USP54: variants seen among roughly 807,000 people sequenced by gnomAD.
The protein encoded by USP54 is ubiquitin specific peptidase 54.
A neutral mutation model predicts 170.5 loss-of-function variants in USP54; 87 were observed. That is an observed-to-expected ratio of 0.51 (90% CI 0.43 to 0.61). USP54 has a LOEUF of 0.61. Among genes scored for constraint, USP54 ranks in the 20% least tolerant of loss-of-function variants. The pLI is 0.00. For missense variants in USP54, 1,786 were observed against 2,047.8 expected (o/e 0.87, Z 2.47); for synonymous variants, 655 against 742.8 (o/e 0.88, Z 1.92).
chr10:73,578,067 A>G (rs984973292), intron 1 of USP54, among the ~76,000 whole-genome samples: 15 of 152,188 alleles, frequency 9.9e-5, no homozygotes, highest in Non-Finnish European at 1.6e-4. Flanking sequence ...GCCCTATGAC[A>G]CACACTCCTG....
chr10:73,519,498 C>T lies in USP54; in HGVS notation c.2678+299G>A, dbSNP rs1475484236. ...TAGCCTGGATTGCCATGTCTAAGAACATAATATATACAAATATAATAATCG... is the reference window on the plus strand; with the variant it reads ...TAGCCTGGATTGCCATGTCTAAGAATATAATATATACAAATATAATAATCG... On this transcript the variant is annotated intron_variant, in intron 19 of 23. Coordinates refer to ENST00000687698, the MANE Select transcript of USP54 (RefSeq NM_001391956.1). 3.0e-5 allele frequency: 11 copies of T among 364,766 alleles called. No homozygotes were observed. The Admixed American group carries it at 4.2e-4, about 14-fold the overall frequency. The allele number at this position is 364,766 out of a possible 1,614,324, so 22.6% of individuals were successfully genotyped here.
At chr10:73,526,349 G>A (rs1206515122) in intron 16 of USP54, among the ~76,000 whole-genome samples, 1 of 152,094 alleles carries the variant, frequency 6.6e-6, no homozygotes. Flanking sequence ...CCAGGTTCAA[G>A]CAATTCTCCT....
At chr10:73,597,003 T>A (rs149213219) in intron 1 of USP54, among the ~76,000 whole-genome samples, 1 of 152,306 alleles carries the variant, frequency 6.6e-6, no homozygotes, top group Admixed American at 6.5e-5. Context: ...AGTTTTACTG[T>A]CACACCTCAA....
intron 16 of USP54, among the ~76,000 whole-genome samples, chr10:73,526,405 G>A (rs1448601007): frequency 1.3e-5 from 2 of 152,100 alleles, no homozygotes; most frequent in African/African-American, 4.8e-5. Context: ...ACGCCGCTAC[G>A]CTGGTTAATT....
intron 12 of USP54, among the ~76,000 whole-genome samples, chr10:73,533,224 T>C (rs867069620): frequency 6.6e-6 from 1 of 151,816 alleles, no homozygotes; most frequent in Non-Finnish European, 1.5e-5. Context: ...GAGAATGGCA[T>C]GAACCTGGGA....
At chr10:73,505,764 G>C (rs1423632444) in intron 20 of USP54, 1 of 174,258 alleles carries the variant, frequency 5.7e-6, no homozygotes. Flanking sequence ...CAGCTACTCG[G>C]GAGGCTGAGG....
Position 73,516,467 on chromosome 10 carries a change from T to TC in USP54, c.3958dup (p.Glu1320GlyfsTer29), listed in dbSNP as rs1222658641. 6 of 1,613,980 alleles carry TC rather than the reference T, an allele frequency of 3.7e-6. No homozygotes were observed. Among genetic ancestry groups the TC allele is most frequent in the Non-Finnish European group, 5.1e-6 (6 of 1,180,022 alleles). ...CTGAAGACTGGCCTGATACAGAGAC[T>TC]CCAATTCTGAGGTCTCCTGCTCTGT... is the stretch of plus-strand genomic sequence containing the variant. On this transcript the variant is annotated frameshift_variant, in exon 20 of 24. Coordinates refer to ENST00000687698, the MANE Select transcript of USP54 (RefSeq NM_001391956.1). LOFTEE classifies it high-confidence loss of function.
At chr10:73,566,948 C>G (rs1285935672) in intron 4 of USP54, among the ~76,000 whole-genome samples, 1 of 151,880 alleles carries the variant, frequency 6.6e-6, no homozygotes, top group African/African-American at 2.4e-5. Flanking sequence ...ACGATCCTGG[C>G]TCACTGCAAC....
intron 1 of USP54, among the ~76,000 whole-genome samples, chr10:73,602,841 G>C (rs1462120042): frequency 8.7e-6 from 1 of 115,426 alleles, no homozygotes; most frequent in African/African-American, 3.6e-5. Context: ...GGGCGACAGA[G>C]CAAGACTCTG....
chr10:73,576,569 T>C (rs2076142472), intron 1 of USP54, among the ~76,000 whole-genome samples: 1 of 151,432 alleles, frequency 6.6e-6, no homozygotes, highest in Admixed American at 6.6e-5. Context: ...ATGAACAGCT[T>C]TACTTTCAGG....
intron 1 of USP54, among the ~76,000 whole-genome samples, chr10:73,625,330 G>C (rs1408512023): frequency 6.6e-6 from 1 of 151,202 alleles, no homozygotes; most frequent in South Asian, 2.1e-4. Context: ...CTCTCCGTTC[G>C]CATCTCAAGA....
chr10:73,516,390 G>C lies in USP54; in HGVS notation c.4036C>G (p.Pro1346Ala). ...GWGQQDTAWH[P>A]LSQTGSADGM... Reference sequence around the variant, plus strand: ...GCATTCTTACCTGTTTGGCTAAGTGGGTGCCAGGCGGTATCCTGCTGCCCC... The same window carrying C: ...GCATTCTTACCTGTTTGGCTAAGTGCGTGCCAGGCGGTATCCTGCTGCCCC... Residue 1346 changes from proline (P) to alanine (A), a missense_variant, in exon 20 of 24, where the codon CCA becomes GCA. Physicochemically the swap from Pro to Ala is conservative, Grantham distance 27. This residue lies in a region of USP54 where 1,418 missense variants were observed against 1,569.0 expected (regional missense o/e 0.90). Coordinates refer to ENST00000687698, the MANE Select transcript of USP54 (RefSeq NM_001391956.1). The C allele has an allele frequency of 6.2e-7, 1 of 1,610,440 alleles. No individual in the cohort carries two copies. The highest frequency in any genetic ancestry group is 8.5e-7 in the Non-Finnish European group (1 of 1,178,412).
intron 4 of USP54, among the ~76,000 whole-genome samples, chr10:73,557,878 CTTTTTTTTTTTT>C (rs765656681): frequency 8.7e-6 from 1 of 114,988 alleles, no homozygotes; most frequent in African/African-American, 3.2e-5. Flanking sequence ...AGCTATTATT[CTTTTTTTTTTTT>C]TTTTTTTTTT....
chr10:73,592,300 G>A (rs993635796), upstream of USP54, among the ~76,000 whole-genome samples: 13 of 151,966 alleles, frequency 8.6e-5, no homozygotes, highest in African/African-American at 3.1e-4. Flanking sequence ...GGTCTGTTGT[G>A]TTTCTATAGG....
At chr10:73,622,625 G>A (rs903838158) in intron 1 of USP54, among the ~76,000 whole-genome samples, 11 of 151,834 alleles carry the variant, frequency 7.2e-5, no homozygotes, top group Non-Finnish European at 8.8e-5. Context: ...TGCCTGGTCC[G>A]TATTTATTTA....
chr10:73,541,230 G>C, intron 9 of USP54, 145 bp downstream of exon 9: 2 of 1,196,610 alleles, frequency 1.7e-6, no homozygotes, highest in Non-Finnish European at 2.3e-6. Context: ...GCAAGCACGG[G>C]TATCTGTACA....
chr10:73,514,578 T>G (rs1351265150), intron 20 of USP54, among the ~76,000 whole-genome samples: 1 of 149,542 alleles, frequency 6.7e-6, no homozygotes, highest in Non-Finnish European at 1.5e-5. Context: ...AAAAAAAAAA[T>G]TATTTGTGTA....
intron 4 of USP54, among the ~76,000 whole-genome samples, chr10:73,564,601 C>T (rs991203993): frequency 1.3e-5 from 2 of 152,120 alleles, no homozygotes. Context: ...TATCTCTGGT[C>T]TTACCCCTCT....
chr10:73,563,637 A>G (rs1308862743), intron 4 of USP54, among the ~76,000 whole-genome samples: 3 of 151,736 alleles, frequency 2.0e-5, no homozygotes, highest in African/African-American at 4.8e-5. Context: ...GGGTTTCTCT[A>G]TGTTGGTCAG....
Sources: gnomAD v4.1 joint callset for allele counts (sites outside exome capture counted in the v4.1 genomes callset) on GRCh38, gnomAD v4.1.1 for gene constraint, gnomAD v4.1.1 regional missense constraint, MANE v1.5 for transcripts, NCBI Gene and HGNC (gene_info 2026-07-23, HGNC 2026-07-21) for gene names.